The following POT1 variants were observed in gnomAD, a reference collection of about 807,000 sequenced individuals.
The protein encoded by POT1 is protection of telomeres 1.
A neutral mutation model predicts 78.5 loss-of-function variants in POT1; 47 were observed. The observed-to-expected ratio is 0.60, with a 90% CI of 0.47 to 0.76. The LOEUF (loss-of-function observed/expected upper bound fraction) is 0.76, where lower values mean the gene tolerates loss of function less well. POT1 is among the 30% of genes least tolerant of loss of function. The probability of loss-of-function intolerance (pLI) is 0.00; values close to 1 mark genes in which losing one functional copy is unlikely to be tolerated. For synonymous variants in POT1, 259 were observed against 260.7 expected, an observed-to-expected ratio of 0.99 and a Z score of 0.06; for missense variants, 646 against 749.9, an observed-to-expected ratio of 0.86 and a Z score of 1.62.
At position 124,846,959 on chromosome 7, in the gene POT1, T is replaced by C. The variant is rs2116483950; in HGVS notation, c.989A>G (p.Gln330Arg). 1.2e-6 allele frequency: 2 copies of C among 1,604,716 alleles called. No individual in the cohort carries two copies. Among genetic ancestry groups the C allele is most frequent in the Non-Finnish European group, 1.7e-6 (2 of 1,171,730 alleles). ...AGTCTTACTTGTAGCAGATAGCTGT[T>C]GACATCTTTCTACCTCGTATAATGA... ...SVSLYEVERCQQLSATILTDH... is the reference protein window; with the variant it reads ...SVSLYEVERCRQLSATILTDH... Residue 330 changes from glutamine to arginine, a missense_variant, in exon 12 of 19, where the codon CAA (glutamine) becomes CGA (arginine). Coordinates refer to ENST00000357628, the MANE Select transcript of POT1 (RefSeq NM_015450.3).
In POT1 at chr7:124,859,023, C is replaced by T. The variant is rs1554425745; in HGVS notation, c.636G>A (p.Arg212=). 1.2e-6 allele frequency: 2 copies of T among 1,610,272 alleles called. No homozygotes were observed. Among genetic ancestry groups the T allele is most frequent in the Non-Finnish European group, 8.5e-7 (1 of 1,177,374 alleles). Residue 212 remains arginine, a synonymous_variant, in exon 9 of 19, where the codon CGG becomes CGA. Transcript: ENST00000357628. The part of the protein sequence containing the change: ...VLEGDLSHIH[R]LQNLTIDILV... Reference sequence around the variant, plus strand: ...AAATGTCTATTGTCAGATTTTGTAGCCGATGGATGTGACTTAAATCACCTT... The same window carrying T: ...AAATGTCTATTGTCAGATTTTGTAGTCGATGGATGTGACTTAAATCACCTT...
At chr7:124,888,694 C>T (rs1584789560) in intron 6 of POT1, among the ~76,000 whole-genome samples, 2 of 151,936 alleles carry the variant, frequency 1.3e-5, no homozygotes, top group East Asian at 1.9e-4. Context: ...ACAGTATGTG[C>T]GTCTATGTTA....
At chr7:124,859,273 A>G (rs780900257) in intron 8 of POT1, among the ~76,000 whole-genome samples, 161 bp from the exon 9 acceptor site, 8 of 152,192 alleles carry the variant, frequency 5.3e-5, no homozygotes, top group Non-Finnish European at 1.0e-4. Flanking sequence ...AAAGAACTAC[A>G]TATGAAATAT....
intron 14 of POT1, chr7:124,840,565 T>A (rs1266480711): frequency 1.3e-5 from 2 of 152,208 alleles, no homozygotes; most frequent in African/African-American, 4.8e-5. Context: ...TTCAATGGTC[T>A]CTTCTTTGAT....
chr7:124,896,278 A>C (rs1214188060), intron 5 of POT1, among the ~76,000 whole-genome samples: 2 of 151,652 alleles, frequency 1.3e-5, no homozygotes, highest in African/African-American at 4.8e-5. Context: ...TATTTTTGCA[A>C]AGTTCAGAGG....
rs776561506 is a variant in POT1 at position 124,859,123 on chromosome 7, A to G, written c.547-11T>C. The G allele has an allele frequency of 4.6e-6, 7 of 1,510,370 alleles. No individual in the cohort carries two copies. The African/African-American group carries it at 5.6e-5, about 12-fold the overall frequency. The allele number at this position is 1,510,370 out of a possible 1,614,324, so 93.6% of individuals were successfully genotyped here. On this transcript the variant is annotated splice_polypyrimidine_tract_variant and intron_variant, in intron 8 of 18. Transcript: ENST00000357628. ...GGTGCCATCCCATACCTGCCATAAGAGAGTAGAGTAGTTTTATGATCCTTT... is the reference window on the plus strand; with the variant it reads ...GGTGCCATCCCATACCTGCCATAAGGGAGTAGAGTAGTTTTATGATCCTTT...
intron 11 of POT1, among the ~76,000 whole-genome samples, chr7:124,850,643 A>C (rs1190468540): frequency 6.6e-6 from 1 of 152,008 alleles, no homozygotes; most frequent in Non-Finnish European, 1.5e-5. Flanking sequence ...AGGCAGGAGA[A>C]TGCCCTGAAC....
intron 12 of POT1, among the ~76,000 whole-genome samples, chr7:124,843,496 G>T (rs1409368930): frequency 1.3e-5 from 2 of 152,056 alleles, no homozygotes; most frequent in African/African-American, 2.4e-5. Context: ...AGGAAGTTTG[G>T]GGAGTTGGAA....
intron 3 of POT1, among the ~76,000 whole-genome samples, chr7:124,900,322 G>A (rs143957386): frequency 6.6e-6 from 1 of 152,036 alleles, no homozygotes; most frequent in African/African-American, 2.4e-5. Context: ...GTACATATCT[G>A]ACCTAATCTA....
At chr7:124,874,812 GGA>G (rs1169651941) in intron 6 of POT1, among the ~76,000 whole-genome samples, 1 of 150,698 alleles carries the variant, frequency 6.6e-6, no homozygotes, top group Non-Finnish European at 1.5e-5. Context: ...GAGGAAAAAA[GGA>G]GAGAGAGAGT....
intron 3 of POT1, among the ~76,000 whole-genome samples, chr7:124,908,869 A>C (rs988301834): frequency 6.6e-6 from 1 of 152,100 alleles, no homozygotes; most frequent in East Asian, 1.9e-4. Context: ...TACAACTGCT[A>C]CAAAACTTAC....
chr7:124,867,801 C>A (rs981726899), intron 7 of POT1, among the ~76,000 whole-genome samples: 2 of 151,982 alleles, frequency 1.3e-5, no homozygotes, highest in East Asian at 1.9e-4. Flanking sequence ...GCACCCACCA[C>A]CACACCTAGC....
intron 9 of POT1, among the ~76,000 whole-genome samples, chr7:124,855,534 T>C (rs182155357): frequency 1.6e-3 from 244 of 151,914 alleles, no homozygotes; most frequent in African/African-American, 5.7e-3. Flanking sequence ...CCAGATGCTC[T>C]ATTATAAAAA....
intron 7 of POT1, among the ~76,000 whole-genome samples, chr7:124,868,137 A>G (rs537560946): frequency 2.0e-5 from 3 of 152,284 alleles, no homozygotes; most frequent in African/African-American, 7.2e-5. Context: ...TCAAATTGCA[A>G]TAAGAAAAAC....
intron 14 of POT1, among the ~76,000 whole-genome samples, chr7:124,839,358 AAAGC>A (rs1173580371): frequency 6.6e-6 from 1 of 152,238 alleles, no homozygotes. Flanking sequence ...AAAGAACTGT[AAAGC>A]AGAATGAGTG....
intron 6 of POT1, among the ~76,000 whole-genome samples, chr7:124,890,990 G>C (rs1796357103): frequency 6.6e-6 from 1 of 151,744 alleles, no homozygotes; most frequent in Non-Finnish European, 1.5e-5. Flanking sequence ...TGTTGTAGCT[G>C]GGTAGAATAT....
At chr7:124,826,334 A>G (rs1262936136) in intron 17 of POT1, among the ~76,000 whole-genome samples, 1 of 152,130 alleles carries the variant, frequency 6.6e-6, no homozygotes, top group African/African-American at 2.4e-5. Flanking sequence ...CATCTCTTTC[A>G]TTATCTGATT....
chr7:124,923,314 C>G (rs954408380), intron 2 of POT1, among the ~76,000 whole-genome samples: 2 of 151,514 alleles, frequency 1.3e-5, no homozygotes, highest in Non-Finnish European at 3.0e-5. Flanking sequence ...ACCAATGAGA[C>G]AGACATCTTT....
rs1199640850 is a variant in POT1, at chr7:124,866,368, G to A, written c.256-2728C>T. ...CAAGCTGTTAAGGAGGTATTAATAA[G>A]GTTATTTGTCCCTGACTATCTTGGA... On this transcript the variant is annotated intron_variant, in intron 7 of 18. Transcript: ENST00000357628. Among the ~76,000 whole-genome samples, 3 of 152,068 alleles carry A rather than the reference G, an allele frequency of 2.0e-5. No individual in the cohort carries two copies. In the East Asian group the frequency reaches 5.8e-4, roughly 29 times the overall value.
Sources: gnomAD v4.1 joint callset for allele counts (sites outside exome capture counted in the v4.1 genomes callset) on GRCh38, gnomAD v4.1.1 for gene constraint, MANE v1.5 for transcripts, NCBI Gene and HGNC (gene_info 2026-07-23, HGNC 2026-07-21) for gene names.